KCNN2: variants seen among roughly 807,000 people sequenced by gnomAD.
KCNN2 encodes small conductance calcium-activated potassium channel protein 2.
A neutral mutation model predicts 55.5 loss-of-function variants in KCNN2; 24 were observed. That is an observed-to-expected ratio of 0.43 (90% CI 0.31 to 0.61). KCNN2 has a LOEUF of 0.61. Ranked by LOEUF, KCNN2 falls within the 20% of genes least tolerant of loss-of-function variation. The pLI is 0.08. For missense variants in KCNN2, 754 were observed against 853.6 expected (o/e 0.88, Z 1.45); for synonymous variants, 431 against 336.1 (o/e 1.28, Z -3.09).
At chr5:114,362,011 C>G (rs1233298169), upstream of KCNN2, 1 of 153,310 alleles carries the variant, frequency 6.5e-6, no homozygotes, top group African/African-American at 2.4e-5. Context: ...TCGGACTCGC[C>G]GCCTGGATTC....
At chr5:114,305,763 C>T (rs577699087) in intron 2 of KCNN2, among the ~76,000 whole-genome samples, 1 of 152,226 alleles carries the variant, frequency 6.6e-6, no homozygotes, top group South Asian at 2.1e-4. Flanking sequence ...AAGAGAAACC[C>T]CTTTCTCCTG....
At chr5:114,333,487 T>G (rs978015140) in intron 2 of KCNN2, among the ~76,000 whole-genome samples, 2 of 152,188 alleles carry the variant, frequency 1.3e-5, no homozygotes, top group African/African-American at 4.8e-5. Flanking sequence ...GTCTATTTGA[T>G]TTATCTGCGG....
intron 2 of KCNN2, among the ~76,000 whole-genome samples, chr5:114,368,293 C>T (rs1052968945): frequency 3.3e-5 from 5 of 152,176 alleles, no homozygotes; most frequent in Non-Finnish European, 5.9e-5. Context: ...TTAGGAGAAG[C>T]AACAATGTTT....
chr5:114,247,202 C>CAAAAAAAAAAAAAAAA (rs370172975), intron 2 of KCNN2, among the ~76,000 whole-genome samples: 161 of 67,972 alleles, frequency 2.4e-3, no homozygotes, highest in East Asian at 5.2e-3. Flanking sequence ...CATATGTCTC[C>CAAAAAAAAAAAAAAAA]AAAAAAAAAA....
intron 2 of KCNN2, among the ~76,000 whole-genome samples, chr5:114,389,495 G>A (rs994874639): frequency 1.3e-5 from 2 of 152,072 alleles, no homozygotes; most frequent in African/African-American, 4.8e-5. Flanking sequence ...GATAATTGTA[G>A]TATACACCTT....
At chr5:114,446,482 G>T (rs1409650606) in intron 3 of KCNN2, among the ~76,000 whole-genome samples, 1 of 152,150 alleles carries the variant, frequency 6.6e-6, no homozygotes, top group East Asian at 1.9e-4. Flanking sequence ...TTTTGAGACA[G>T]AGTCTCGCCT....
At chr5:114,153,489 G>T (rs1752567669) in intron 1 of KCNN2, among the ~76,000 whole-genome samples, 1 of 151,698 alleles carries the variant, frequency 6.6e-6, no homozygotes, top group Non-Finnish European at 1.5e-5. Flanking sequence ...CCTGGTCAGA[G>T]ACAAAAAAAA....
Position 114,312,401 on chromosome 5 carries a change from ACACACACAC to A in KCNN2, c.-184-48543_-184-48535del, listed in dbSNP as rs1561566342. Among the ~76,000 whole-genome samples the A allele has an allele frequency of 5.8e-4, 20 of 34,432 alleles. 1 individual carries two copies. The highest frequency in any genetic ancestry group is 2.1e-3 in the South Asian group (1 of 484). 22.6% of individuals were successfully genotyped at this position (34,432 alleles called of 152,430 possible). A position where few individuals can be genotyped will look rare whatever the true frequency, so the allele number is the denominator to read the frequency against. The stretch of plus-strand genomic sequence containing the variant: ...AAAAAGGAGATACACACACACACAC[ACACACACAC>A]ACACACACACACACACACACACACA... On this transcript the variant is annotated intron_variant, in intron 2 of 10. Coordinates refer to the KCNN2 transcript ENST00000512097.
At chr5:114,225,856 A>C (rs1342778587) in intron 2 of KCNN2, among the ~76,000 whole-genome samples, 3 of 152,234 alleles carry the variant, frequency 2.0e-5, no homozygotes, top group Non-Finnish European at 2.9e-5. Flanking sequence ...CAAAATTCAG[A>C]AAGATAATCA....
chr5:114,455,224 A>G (rs1193080287), intron 3 of KCNN2, among the ~76,000 whole-genome samples: 1 of 152,194 alleles, frequency 6.6e-6, no homozygotes, highest in Non-Finnish European at 1.5e-5. Context: ...GGCGATCAGC[A>G]TCATTTTTTC....
At chr5:114,470,144 A>C (rs1761654118) in intron 4 of KCNN2, among the ~76,000 whole-genome samples, 2 of 152,226 alleles carry the variant, frequency 1.3e-5, no homozygotes, top group East Asian at 3.8e-4. Context: ...GCCTGAGAAT[A>C]AACACAAATA....
chr5:114,464,006 G>A (rs191270167), intron 4 of KCNN2, among the ~76,000 whole-genome samples: 17 of 152,222 alleles, frequency 1.1e-4, no homozygotes, highest in Admixed American at 3.3e-4. Flanking sequence ...AGGGGAGAGC[G>A]GCCTGGCATG....
At chr5:114,078,915 T>C (rs1750740567) in intron 1 of KCNN2, among the ~76,000 whole-genome samples, 1 of 152,180 alleles carries the variant, frequency 6.6e-6, no homozygotes, top group South Asian at 2.1e-4. Flanking sequence ...CAACAATTAT[T>C]AGCAAGAAAG....
chr5:114,461,015 G>C (rs1167914131), intron 3 of KCNN2, among the ~76,000 whole-genome samples: 2 of 152,138 alleles, frequency 1.3e-5, no homozygotes, highest in African/African-American at 2.4e-5. Context: ...TTACTAGAGA[G>C]CCCCAATATT....
At chr5:114,121,928 A>G (rs1751837640) in intron 1 of KCNN2, among the ~76,000 whole-genome samples, 2 of 152,226 alleles carry the variant, frequency 1.3e-5, no homozygotes, top group Non-Finnish European at 1.5e-5. Flanking sequence ...TAAGAGTTCA[A>G]AGAAGACAAG....
intron 1 of KCNN2, among the ~76,000 whole-genome samples, chr5:114,165,155 G>A (rs888880050): frequency 1.3e-5 from 2 of 152,114 alleles, no homozygotes; most frequent in Admixed American, 1.3e-4. Flanking sequence ...GAACTGTGAG[G>A]TCTACTTACA....
intron 3 of KCNN2, among the ~76,000 whole-genome samples, chr5:114,460,489 C>G: frequency 6.6e-6 from 1 of 152,170 alleles, no homozygotes; most frequent in Non-Finnish European, 1.5e-5. Flanking sequence ...GGAGATCCAC[C>G]TACTTTGGTC....
At chr5:114,334,984 C>T (rs1756895391) in intron 2 of KCNN2, among the ~76,000 whole-genome samples, 1 of 152,000 alleles carries the variant, frequency 6.6e-6, no homozygotes, top group African/African-American at 2.4e-5. Flanking sequence ...AGTGCAGTGT[C>T]GCGATCTTGG....
intron 2 of KCNN2, among the ~76,000 whole-genome samples, chr5:114,268,165 G>A (rs1755249522): frequency 6.6e-6 from 1 of 152,106 alleles, no homozygotes; most frequent in Admixed American, 6.6e-5. Flanking sequence ...CCAAATTAGA[G>A]GACAACACAA....
Sources: allele counts gnomAD v4.1 joint callset (sites outside exome capture counted in the v4.1 genomes callset), GRCh38; gene constraint gnomAD v4.1.1; transcripts MANE v1.5; gene names NCBI Gene and HGNC (gene_info 2026-07-23, HGNC 2026-07-21).